NR3C1: variants seen among roughly 807,000 people sequenced by gnomAD.
NR3C1 encodes nuclear receptor subfamily 3 group C member 1.
A neutral mutation model predicts 74.0 loss-of-function variants in NR3C1; 14 were observed. The ratio of observed to expected loss-of-function variants is 0.19; its 90% CI spans 0.12 to 0.30. The LOEUF is 0.30. NR3C1 is among the 10% of genes least tolerant of loss of function. The pLI is 1.00. For synonymous variants in NR3C1, 308 were observed against 332.5 expected (o/e 0.93, Z 0.80); for missense variants, 695 against 909.8 (o/e 0.76, Z 3.04).
chr5:143,412,289 C>T (rs1472953946), intron 1 of NR3C1, among the ~76,000 whole-genome samples: 3 of 151,680 alleles, frequency 2.0e-5, no homozygotes, highest in African/African-American at 4.8e-5. Flanking sequence ...AGGGGAAGCC[C>T]CAAATACCAG....
At chr5:143,285,431 A>T (rs1814186411) in intron 7 of NR3C1, among the ~76,000 whole-genome samples, 1 of 152,232 alleles carries the variant, frequency 6.6e-6, no homozygotes, top group Non-Finnish European at 1.5e-5. Flanking sequence ...AGAATAAACA[A>T]GACTTAAATT....
upstream of NR3C1, chr5:143,405,363 C>T (rs976759528): frequency 2.1e-5 from 21 of 985,138 alleles, no homozygotes; most frequent in East Asian, 3.4e-4. Context: ...GACGGCGGCT[C>T]CCCCTGCTCT....
chr5:143,392,158 G>T (rs1210116886), intron 2 of NR3C1, among the ~76,000 whole-genome samples: 1 of 151,926 alleles, frequency 6.6e-6, no homozygotes, highest in African/African-American at 2.4e-5. Flanking sequence ...GTAGAGACAG[G>T]GTTTCACCGT....
chr5:143,297,870 G>C (rs529375237), intron 6 of NR3C1, among the ~76,000 whole-genome samples: 2 of 152,258 alleles, frequency 1.3e-5, no homozygotes, highest in African/African-American at 4.8e-5. Context: ...GAAAACAATG[G>C]GAGAGGAAGT....
chr5:143,378,387 C>A (rs962764514), intron 2 of NR3C1, among the ~76,000 whole-genome samples: 12 of 152,210 alleles, frequency 7.9e-5, no homozygotes, highest in African/African-American at 2.9e-4. Flanking sequence ...TTACTCTCTA[C>A]ACTAAATTTC....
intron 1 of NR3C1, among the ~76,000 whole-genome samples, chr5:143,420,439 C>T (rs1751162314): frequency 6.6e-6 from 1 of 152,158 alleles, no homozygotes; most frequent in Admixed American, 6.5e-5. Flanking sequence ...TCTTCACAAT[C>T]CACGTTCTTC....
chr5:143,321,878 T>C (rs770400760), intron 2 of NR3C1, among the ~76,000 whole-genome samples: 1 of 152,254 alleles, frequency 6.6e-6, no homozygotes, highest in African/African-American at 2.4e-5. Flanking sequence ...TACCTTTTGA[T>C]GTATATGTAT....
At chr5:143,368,028 G>A (rs1216189863) in intron 2 of NR3C1, among the ~76,000 whole-genome samples, 1 of 152,180 alleles carries the variant, frequency 6.6e-6, no homozygotes, top group Non-Finnish European at 1.5e-5. Context: ...AAAACAGTGT[G>A]GTACTGGCAT....
At chr5:143,332,788 A>T in intron 2 of NR3C1, 7 of 1,562,932 alleles carry the variant, frequency 4.5e-6, no homozygotes, top group Non-Finnish European at 6.1e-6. Context: ...GAAAGGATTG[A>T]TGGCGTGAGT....
At chr5:143,289,027 A>G (rs1433282248) in intron 7 of NR3C1, among the ~76,000 whole-genome samples, 1 of 148,690 alleles carries the variant, frequency 6.7e-6, no homozygotes, top group African/African-American at 2.5e-5. Context: ...AGCCAAGATC[A>G]TGCCACTGCA....
chr5:143,384,112 A>G (rs1168808660), intron 2 of NR3C1, among the ~76,000 whole-genome samples: 2 of 152,242 alleles, frequency 1.3e-5, no homozygotes, highest in Non-Finnish European at 2.9e-5. Flanking sequence ...TTCACATGGC[A>G]GAGGAGGAGA....
At chr5:143,391,997 G>C (rs913402641) in intron 2 of NR3C1, among the ~76,000 whole-genome samples, 1 of 150,174 alleles carries the variant, frequency 6.7e-6, no homozygotes, top group East Asian at 2.0e-4. Flanking sequence ...ACGGAGACTC[G>C]CTCTGTCGCC....
At chr5:143,431,357 C>A (rs553853517) in intron 1 of NR3C1, among the ~76,000 whole-genome samples, 114 of 152,292 alleles carry the variant, frequency 7.5e-4, no homozygotes, top group Non-Finnish European at 1.4e-3. Flanking sequence ...AGAACAAGTG[C>A]TTCCACTGAA....
chr5:143,386,082 A>G (rs1344083335), intron 2 of NR3C1, among the ~76,000 whole-genome samples: 1 of 152,190 alleles, frequency 6.6e-6, no homozygotes, highest in Non-Finnish European at 1.5e-5. Context: ...AGGCAAAGAA[A>G]CCATGTTTTC....
At chr5:143,340,350 T>A (rs1327618039) in intron 2 of NR3C1, among the ~76,000 whole-genome samples, 1 of 110,430 alleles carries the variant, frequency 9.1e-6, no homozygotes, top group Non-Finnish European at 2.1e-5. Context: ...CCCAGCAGGC[T>A]TTTTTTGTGT....
chr5:143,399,394 T>C (rs575898843), intron 2 of NR3C1, among the ~76,000 whole-genome samples: 12 of 152,210 alleles, frequency 7.9e-5, no homozygotes, highest in Non-Finnish European at 1.5e-4. Context: ...ATGAGCAACA[T>C]TATTTTAAAA....
intron 2 of NR3C1, among the ~76,000 whole-genome samples, chr5:143,361,289 A>C (rs1323013066): frequency 6.6e-6 from 1 of 152,226 alleles, no homozygotes; most frequent in East Asian, 1.9e-4. Context: ...AAAATTGTTA[A>C]ATTTTAATAA....
At chr5:143,299,320 G>A (rs1817982479) in intron 5 of NR3C1, among the ~76,000 whole-genome samples, 1 of 149,102 alleles carries the variant, frequency 6.7e-6, no homozygotes, top group Admixed American at 6.7e-5. Context: ...AGCCCCCTAG[G>A]TGCTTTTTAA....
intron 2 of NR3C1, among the ~76,000 whole-genome samples, chr5:143,342,964 C>T (rs1049451729): frequency 3.3e-5 from 5 of 152,090 alleles, no homozygotes; most frequent in South Asian, 2.1e-4. Flanking sequence ...TTTCCTGGCA[C>T]CCAGAGTATA....
Sources: gnomAD v4.1 joint callset for allele counts (sites outside exome capture counted in the v4.1 genomes callset) on GRCh38, gnomAD v4.1.1 for gene constraint, MANE v1.5 for transcripts, NCBI Gene and HGNC (gene_info 2026-07-23, HGNC 2026-07-21) for gene names.